KDM3B: variants seen among roughly 807,000 people sequenced by gnomAD.
KDM3B encodes the protein lysine-specific demethylase 3B.
In KDM3B, 10 loss-of-function variants were observed where a neutral mutation model predicts 170.0. The ratio of observed to expected loss-of-function variants is 0.06; its 90% CI spans 0.04 to 0.10. The LOEUF is 0.10. Ranked by LOEUF, KDM3B falls within the 10% of genes least tolerant of loss-of-function variation. KDM3B has a pLI of 1.00. For missense variants in KDM3B, 1,394 were observed against 2,195.2 expected (o/e 0.64, Z 7.29); for synonymous variants, 831 against 834.8 (o/e 1.00, Z 0.08).
intron 11 of KDM3B, among the ~76,000 whole-genome samples, chr5:138,408,063 C>T (rs1330000410): frequency 1.3e-5 from 2 of 152,160 alleles, no homozygotes; most frequent in East Asian, 1.9e-4. Context: ...AAGATGGGAG[C>T]TTCATCTTCC....
intron 7 of KDM3B, among the ~76,000 whole-genome samples, chr5:138,388,496 G>T (rs1053803508): frequency 2.0e-5 from 3 of 152,106 alleles, no homozygotes; most frequent in Non-Finnish European, 4.4e-5. Flanking sequence ...GCTGGGCGTG[G>T]TGGCAAGCGC....
chr5:138,422,832 G>A (rs551913115), intron 15 of KDM3B, among the ~76,000 whole-genome samples: 80 of 152,248 alleles, frequency 5.3e-4, no homozygotes, highest in Admixed American at 1.9e-3. Flanking sequence ...CATTTCAAGC[G>A]AATACATAAA....
At chr5:138,429,440 C>T (rs1763477365) in intron 20 of KDM3B, among the ~76,000 whole-genome samples, 1 of 152,208 alleles carries the variant, frequency 6.6e-6, no homozygotes, top group African/African-American at 2.4e-5. Flanking sequence ...ACCCTCTTCA[C>T]TTGGTAGTGA....
chr5:138,422,065 C>T (rs1272096887), intron 15 of KDM3B, among the ~76,000 whole-genome samples: 3 of 152,216 alleles, frequency 2.0e-5, no homozygotes, highest in Non-Finnish European at 4.4e-5. Context: ...TCATCATCAG[C>T]TCCCTCACCT....
Position 138,391,967 on chromosome 5 carries a change from T to C in KDM3B, c.2335T>C (p.Ser779Pro), listed in dbSNP as rs772091391. 1.2e-6 allele frequency: 2 copies of C among 1,613,022 alleles called. No individual in the cohort carries two copies. Among genetic ancestry groups the C allele is most frequent in the South Asian group, 2.2e-5 (2 of 91,072 alleles). ...CAGGCACTCAGGCGGCTTTCTGTCC[T>C]CCCCGGCAGATTTTTCACAGGAGAA... ...FGRHSGGFLS[S>P]PADFSQENKA... Residue 779 changes from serine (S) to proline (P), a missense_variant, in exon 8 of 24, where the codon TCC (serine) becomes CCC (proline). Ser to Pro is a moderately conservative substitution (Grantham distance 74). Transcript: ENST00000314358. This position sits in a 1 kb window ranked among gnomAD's most constrained non-coding sequence, Gnocchi z 5.0.
In KDM3B at chr5:138,418,937, G is replaced by A. The variant is rs368955402; in HGVS notation, c.3436-16G>A. 112 of 1,609,956 alleles carry A rather than the reference G, an allele frequency of 7.0e-5. 1 individual carries two copies. The South Asian group carries it at 1.2e-3, about 17-fold the overall frequency. The stretch of plus-strand genomic sequence containing the variant: ...CAAGCACAGCACTCTAATTATGTTG[G>A]CCTTCTGCATTTTAGCTTCCTAGCA... On this transcript the variant is annotated splice_polypyrimidine_tract_variant and intron_variant, in intron 13 of 23. Coordinates refer to ENST00000314358, the MANE Select transcript of KDM3B (RefSeq NM_016604.4).
intron 10 of KDM3B, among the ~76,000 whole-genome samples, chr5:138,399,034 G>A (rs538245847): frequency 1.5e-4 from 22 of 151,118 alleles, no homozygotes; most frequent in Admixed American, 5.3e-4. Flanking sequence ...GACTACAGGC[G>A]CCCACCACCA....
intron 14 of KDM3B, 58 bp from the exon 15 acceptor site, chr5:138,420,648 G>A (rs1428143872): frequency 6.3e-7 from 1 of 1,585,378 alleles, no homozygotes; most frequent in Non-Finnish European, 8.6e-7. Flanking sequence ...TTAGGAGTCA[G>A]TTGTGTGCTG....
Position 138,423,177 on chromosome 5 carries a change from C to T in KDM3B, c.3973-898C>T, listed in dbSNP as rs969410096. Among the ~76,000 whole-genome samples the T allele has an allele frequency of 3.7e-4, 57 of 152,218 alleles. 1 individual carries two copies. The highest frequency in any genetic ancestry group is 2.6e-4 in the Admixed American group (4 of 15,282). On this transcript the variant is annotated intron_variant, in intron 15 of 23. Transcript: ENST00000314358. ...GCCAGGCTGGTCTCGAACTCCTGACCTCAGGTAATCCACCTGCCTTGGCCT... is the reference window on the plus strand; with the variant it reads ...GCCAGGCTGGTCTCGAACTCCTGACTTCAGGTAATCCACCTGCCTTGGCCT...
chr5:138,352,953 G>T lies in KDM3B; in HGVS notation c.158G>T (p.Arg53Leu), dbSNP rs1253257553. Residue 53 changes from arginine (R) to leucine (L), a missense_variant, in exon 1 of 24, where the codon CGG (arginine) becomes CTG (leucine). Arg to Leu is a moderately radical substitution (Grantham distance 102). This residue lies in a region of KDM3B where 99 missense variants were observed against 97.5 expected (regional missense o/e 1.02). Transcript: ENST00000314358. ...RTRAWRAGTVRAMSGAVPQDL... is the reference protein window; with the variant it reads ...RTRAWRAGTVLAMSGAVPQDL... ...CGAGCCTGGCGGGCCGGCACGGTGC[G>T]GGCCATGAGCGGGGCGGTGCCCCAG... The T allele has an allele frequency of 7.9e-7, 1 of 1,272,114 alleles. No individual in the cohort carries two copies. Among genetic ancestry groups the T allele is most frequent in the Non-Finnish European group, 9.9e-7 (1 of 1,012,690 alleles). 78.8% of individuals were successfully genotyped at this position (1,272,114 alleles called of 1,614,324 possible).
chr5:138,421,193 T>A (rs1763264604), intron 15 of KDM3B, among the ~76,000 whole-genome samples: 1 of 152,246 alleles, frequency 6.6e-6, no homozygotes, highest in Non-Finnish European at 1.5e-5. Context: ...AGCAGAAAAG[T>A]TAATACATTG....
At chr5:138,432,123 T>A (rs1763547042) in intron 23 of KDM3B, among the ~76,000 whole-genome samples, 1 of 152,192 alleles carries the variant, frequency 6.6e-6, no homozygotes, top group Non-Finnish European at 1.5e-5. Flanking sequence ...GTATTACAAG[T>A]GTTAGTAACT....
At chr5:138,413,256 A>C (rs896106725) in intron 11 of KDM3B, among the ~76,000 whole-genome samples, 5 of 151,910 alleles carry the variant, frequency 3.3e-5, no homozygotes, top group Non-Finnish European at 7.4e-5. Context: ...AGTGGCACGC[A>C]CTTGTAGTCT....
At chr5:138,416,419 A>C (rs973474541) in intron 12 of KDM3B, among the ~76,000 whole-genome samples, 8 of 151,480 alleles carry the variant, frequency 5.3e-5, no homozygotes, top group Non-Finnish European at 7.4e-5. Flanking sequence ...GTGAAACCCC[A>C]CCTCTACTAA....
intron 9 of KDM3B, among the ~76,000 whole-genome samples, chr5:138,395,203 G>A (rs1201893131): frequency 6.6e-6 from 1 of 152,112 alleles, no homozygotes; most frequent in African/African-American, 2.4e-5. Flanking sequence ...AAGGGAAGGG[G>A]TCCTACCTGG....
chr5:138,396,919 C>T (rs887930910), intron 9 of KDM3B, among the ~76,000 whole-genome samples: 2 of 152,142 alleles, frequency 1.3e-5, no homozygotes, highest in African/African-American at 4.8e-5. Context: ...GGCACAGTGG[C>T]TTATGCCTAT....
At chr5:138,415,950 G>A (rs1006738499) in intron 12 of KDM3B, among the ~76,000 whole-genome samples, 6 of 152,196 alleles carry the variant, frequency 3.9e-5, no homozygotes, top group African/African-American at 1.4e-4. Context: ...AAATGGTCAG[G>A]TGTGGTAGCT....
At chr5:138,407,883 T>C (rs1034005774) in intron 11 of KDM3B, among the ~76,000 whole-genome samples, 6 of 152,156 alleles carry the variant, frequency 3.9e-5, no homozygotes, top group African/African-American at 1.4e-4. Context: ...GAGCGGGGAA[T>C]GATACAGGTG....
chr5:138,386,592 A>G lies in KDM3B; in HGVS notation c.1351A>G (p.Lys451Glu), dbSNP rs899720540. The G allele has an allele frequency of 6.2e-7, 1 of 1,612,962 alleles. No individual in the cohort carries two copies. The highest frequency in any genetic ancestry group is 8.5e-7 in the Non-Finnish European group (1 of 1,178,976). ...LAAGTVPEKQKGSRSQASGEN... is the reference protein window; with the variant it reads ...LAAGTVPEKQEGSRSQASGEN... ...AGCAGGGACTGTGCCAGAAAAACAGAAAGGCAGCCGGTCGCAGGCCTCGGG... is the reference window on the plus strand; with the variant it reads ...AGCAGGGACTGTGCCAGAAAAACAGGAAGGCAGCCGGTCGCAGGCCTCGGG... Residue 451 changes from lysine to glutamate, a missense_variant, in exon 7 of 24, where the codon AAA becomes GAA. By Grantham distance (56) the Lys-to-Glu change is moderately conservative (BLOSUM62 1). Around this residue, in one of 19 missense-constraint regions of KDM3B, gnomAD observed 205 missense variants for 227.6 expected, o/e 0.90. Coordinates refer to ENST00000314358, the MANE Select transcript of KDM3B (RefSeq NM_016604.4).
Sources: gnomAD v4.1 joint callset for allele counts (sites outside exome capture counted in the v4.1 genomes callset) on GRCh38, gnomAD v4.1.1 for gene constraint, gnomAD v4.1.1 regional missense constraint, Gnocchi (gnomAD v3.1) non-coding constraint, MANE v1.5 for transcripts, NCBI Gene and HGNC (gene_info 2026-07-23, HGNC 2026-07-21) for gene names.